SRRM4: variants seen among roughly 807,000 people sequenced by gnomAD.
The protein encoded by SRRM4 is serine/arginine repetitive matrix 4.
Under a neutral mutation model 68.9 loss-of-function variants are expected in SRRM4, and 33 were observed. That is an observed-to-expected ratio of 0.48 (90% CI 0.36 to 0.64). The LOEUF (loss-of-function observed/expected upper bound fraction) is 0.64, where lower values mean the gene tolerates loss of function less well. Among genes scored for constraint, SRRM4 ranks in the 30% least tolerant of loss-of-function variants. The pLI, the probability that SRRM4 is intolerant of heterozygous loss-of-function variation, is 0.00. For synonymous variants in SRRM4, 318 were observed against 318.8 expected (o/e 1.00, Z 0.03); for missense variants, 817 against 827.1 (o/e 0.99, Z 0.15).
At position 119,137,593 on chromosome 12, in the gene SRRM4, AG is replaced by A. The variant is rs1391058449; in HGVS notation, c.771+6760del. On this transcript the variant is annotated intron_variant, in intron 8 of 12. Coordinates refer to ENST00000267260, the MANE Select transcript of SRRM4 (RefSeq NM_194286.4). Reference sequence around the variant, plus strand: ...ATGAGGCGAGGTTTGGAGTGGAGAGAGAGAGAGAGAGAGAGAGAGAGAGAGA... The same window carrying A: ...ATGAGGCGAGGTTTGGAGTGGAGAGAAGAGAGAGAGAGAGAGAGAGAGAGA... Among the ~76,000 whole-genome samples, 19 of 10,044 alleles carry A rather than the reference AG, an allele frequency of 1.9e-3. No individual in the cohort carries two copies. The East Asian group carries it at 0.071, about 37-fold the overall frequency. The allele number at this position is 10,044 out of a possible 152,430, so 6.6% of individuals were successfully genotyped here.
intron 1 of SRRM4, among the ~76,000 whole-genome samples, chr12:119,039,462 A>G (rs1307738574): frequency 1.4e-5 from 2 of 141,488 alleles, no homozygotes; most frequent in African/African-American, 3.2e-5. Context: ...TAGCATTACT[A>G]TTTCTATACA....
At chr12:119,049,970 G>A (rs1030727534) in intron 1 of SRRM4, among the ~76,000 whole-genome samples, 8 of 152,190 alleles carry the variant, frequency 5.3e-5, no homozygotes, top group African/African-American at 1.9e-4. Context: ...CACATTCTGA[G>A]GTACTGAGGG....
intron 2 of SRRM4, among the ~76,000 whole-genome samples, chr12:119,110,727 G>A (rs1019982909): frequency 2.0e-5 from 3 of 152,124 alleles, no homozygotes; most frequent in African/African-American, 7.2e-5. Flanking sequence ...CCTCTGTCAC[G>A]GCTTCCCTTG....
At chr12:119,008,821 C>T (rs955936963) in intron 1 of SRRM4, among the ~76,000 whole-genome samples, 2 of 152,074 alleles carry the variant, frequency 1.3e-5, no homozygotes, top group Non-Finnish European at 2.9e-5. Flanking sequence ...GCCTTTGACA[C>T]TAATTGATAC....
At position 119,110,996 on chromosome 12, in the gene SRRM4, G is replaced by A. The variant is rs74705752; in HGVS notation, c.279-3282G>A. ...TTTAATTGATGCATGTTTAACTACT[G>A]TGTACCTAACTGCTGAGCACTTAAC... On this transcript the variant is annotated intron_variant, in intron 2 of 12. Coordinates refer to ENST00000267260, the MANE Select transcript of SRRM4 (RefSeq NM_194286.4). Among the ~76,000 whole-genome samples the A allele has an allele frequency of 1.8e-3, 269 of 152,300 alleles. 7 individuals are homozygous for A. In the East Asian group the frequency reaches 0.046, roughly 26 times the overall value.
chr12:118,984,908 G>A (rs1953272718), intron 1 of SRRM4, among the ~76,000 whole-genome samples: 1 of 152,182 alleles, frequency 6.6e-6, no homozygotes, highest in African/African-American at 2.4e-5. Flanking sequence ...TGTGTATCCT[G>A]AACAAATAGT....
intron 1 of SRRM4, among the ~76,000 whole-genome samples, chr12:119,047,999 C>T (rs1215996490): frequency 6.6e-6 from 1 of 152,228 alleles, no homozygotes; most frequent in African/African-American, 2.4e-5. Flanking sequence ...ACAAATGTTG[C>T]AATTCTAGAT....
chr12:119,137,700 C>T (rs150230408), intron 8 of SRRM4, among the ~76,000 whole-genome samples: 107 of 151,756 alleles, frequency 7.1e-4, no homozygotes, highest in African/African-American at 2.4e-3. Flanking sequence ...CACTTCCCCC[C>T]AATGGCCTTG....
chr12:119,132,174 C>T (rs1271973244), intron 8 of SRRM4: 1 of 152,170 alleles, frequency 6.6e-6, no homozygotes, highest in East Asian at 1.9e-4. Context: ...GGCAAATGCC[C>T]ATCTGCGTAC....
chr12:119,111,037 C>T (rs1262440411), intron 2 of SRRM4, among the ~76,000 whole-genome samples: 1 of 152,204 alleles, frequency 6.6e-6, no homozygotes, highest in East Asian at 1.9e-4. Flanking sequence ...AATAGTTAAC[C>T]TCTGCTACTT....
intron 8 of SRRM4, among the ~76,000 whole-genome samples, chr12:119,140,367 G>A (rs1276182321): frequency 2.2e-5 from 3 of 136,956 alleles, no homozygotes; most frequent in Admixed American, 7.5e-5. Flanking sequence ...AACAGAGCGA[G>A]ACTCTGTCTC....
chr12:119,105,351 C>A (rs533504494), intron 2 of SRRM4, among the ~76,000 whole-genome samples: 1 of 152,052 alleles, frequency 6.6e-6, no homozygotes, highest in Non-Finnish European at 1.5e-5. Context: ...TGGATGGCTG[C>A]GTCAAATGAT....
intron 4 of SRRM4, among the ~76,000 whole-genome samples, chr12:119,118,874 G>A (rs904710537): frequency 1.3e-5 from 2 of 152,098 alleles, no homozygotes; most frequent in Admixed American, 6.6e-5. Flanking sequence ...TACAGAGTAG[G>A]GGGTTCATAT....
chr12:119,026,659 G>A (rs1852608759), intron 1 of SRRM4, among the ~76,000 whole-genome samples: 1 of 151,932 alleles, frequency 6.6e-6, no homozygotes, highest in South Asian at 2.1e-4. Flanking sequence ...AGTGATTCTC[G>A]TGCCTCAGCC....
At chr12:118,983,752 A>G (rs1305666786) in intron 1 of SRRM4, among the ~76,000 whole-genome samples, 1 of 152,132 alleles carries the variant, frequency 6.6e-6, no homozygotes, top group Admixed American at 6.5e-5. Context: ...GGTACTTTCC[A>G]CTTTTGTCTG....
intron 1 of SRRM4, among the ~76,000 whole-genome samples, chr12:118,985,998 T>C (rs998004248): frequency 2.6e-5 from 4 of 152,176 alleles, no homozygotes; most frequent in Non-Finnish European, 5.9e-5. Context: ...TCTTCAAAAA[T>C]CCTTTCTACG....
At chr12:119,005,210 AC>A (rs1289695094) in intron 1 of SRRM4, among the ~76,000 whole-genome samples, 2 of 152,164 alleles carry the variant, frequency 1.3e-5, no homozygotes, top group Non-Finnish European at 2.9e-5. Flanking sequence ...TCCTGTCCCA[AC>A]CCTGGAGAGG....
chr12:119,024,977 C>A (rs1040241171), intron 1 of SRRM4, among the ~76,000 whole-genome samples: 1 of 152,132 alleles, frequency 6.6e-6, no homozygotes, highest in Non-Finnish European at 1.5e-5. Flanking sequence ...TACGGTGCTG[C>A]CCTACATAGA....
At chr12:119,014,305 T>C (rs1385512724) in intron 1 of SRRM4, among the ~76,000 whole-genome samples, 1 of 152,126 alleles carries the variant, frequency 6.6e-6, no homozygotes, top group East Asian at 1.9e-4. Flanking sequence ...AGTACAGAGA[T>C]TTAGAACAGA....
Sources: allele counts gnomAD v4.1 joint callset (sites outside exome capture counted in the v4.1 genomes callset), GRCh38; gene constraint gnomAD v4.1.1; transcripts MANE v1.5; gene names NCBI Gene and HGNC (gene_info 2026-07-23, HGNC 2026-07-21).